Variants in LGALS8 observed in about 807,000 individuals in gnomAD.
LGALS8 encodes galectin-8.
A neutral mutation model predicts 35.9 loss-of-function variants in LGALS8; 30 were observed. That is an observed-to-expected ratio of 0.83 (90% CI 0.62 to 1.13). The LOEUF (loss-of-function observed/expected upper bound fraction) is 1.13, where lower values mean the gene tolerates loss of function less well. Among genes scored for constraint, LGALS8 ranks in the 50% most tolerant of loss-of-function variants. The probability of loss-of-function intolerance (pLI) is 0.00; values close to 1 mark genes in which losing one functional copy is unlikely to be tolerated. For synonymous variants in LGALS8, 138 were observed against 136.1 expected, an observed-to-expected ratio of 1.01 and a Z score of -0.10; for missense variants, 366 against 388.7, an observed-to-expected ratio of 0.94 and a Z score of 0.49.
Position 236,551,030 on chromosome 1 carries a change from C to G in LGALS8, c.*2869C>G. The G allele has an allele frequency of 6.8e-7, 1 of 1,473,878 alleles. No homozygotes were observed. The highest frequency in any genetic ancestry group is 1.2e-5 in the South Asian group (1 of 80,890). 91.3% of individuals were successfully genotyped at this position (1,473,878 alleles called of 1,614,324 possible). A position where few individuals can be genotyped will look rare whatever the true frequency, so the allele number is the denominator to read the frequency against. The stretch of plus-strand genomic sequence containing the variant: ...AAAAAATCAAAATTAAAATCTGAGT[C>G]AGTCCGCCTGCCTCGGTTCTCATTA... On this transcript the variant is annotated 3_prime_UTR_variant, in exon 10 of 10. Coordinates refer to ENST00000366584, the MANE Select transcript of LGALS8 (RefSeq NM_201544.4).
At chr1:236,533,538 T>C (rs1478050498) in intron 2 of LGALS8, among the ~76,000 whole-genome samples, 1 of 152,102 alleles carries the variant, frequency 6.6e-6, no homozygotes, top group Non-Finnish European at 1.5e-5. Flanking sequence ...TTCTCCACGT[T>C]GGTCAGGCTG....
In LGALS8 at chr1:236,551,984, T is replaced by C. The variant is rs758881372; in HGVS notation, c.*3823T>C. 1.4e-6 allele frequency: 2 copies of C among 1,466,666 alleles called. No homozygotes were observed. The highest frequency in any genetic ancestry group is 2.3e-5 in the East Asian group (1 of 44,132). 90.9% of individuals were successfully genotyped at this position (1,466,666 alleles called of 1,614,324 possible). A position where few individuals can be genotyped will look rare whatever the true frequency, so the allele number is the denominator to read the frequency against. ...TCCTTAATTGTTTAATGGTTGGGAA[T>C]AGTTTGGGAATTACCTTCCATCAAC... On this transcript the variant is annotated 3_prime_UTR_variant, in exon 10 of 10. Transcript: ENST00000366584.
chr1:236,544,093 C>T (rs1380466224), intron 8 of LGALS8, among the ~76,000 whole-genome samples: 3 of 151,990 alleles, frequency 2.0e-5, no homozygotes, highest in Non-Finnish European at 4.4e-5. Flanking sequence ...ATTACAGGCG[C>T]ACCACCACGC....
chr1:236,528,580 C>T, intron 2 of LGALS8, among the ~76,000 whole-genome samples: 1 of 113,432 alleles, frequency 8.8e-6, no homozygotes, highest in African/African-American at 3.2e-5. Context: ...AAGACAGAGG[C>T]TCGCTCTGTC....
At chr1:236,518,331 A>G (rs923999232) in intron 1 of LGALS8, 1 of 152,172 alleles carries the variant, frequency 6.6e-6, no homozygotes, top group Non-Finnish European at 1.5e-5. Context: ...GGTGAAAAAA[A>G]AGAGTTTGGT....
chr1:236,550,787 TA>T lies in LGALS8; in HGVS notation c.*2628del. 1.4e-6 allele frequency: 1 copy of T among 734,492 alleles called. No individual in the cohort carries two copies. Among genetic ancestry groups the T allele is most frequent in the Non-Finnish European group, 2.2e-6 (1 of 446,386 alleles). 45.5% of individuals were successfully genotyped at this position (734,492 alleles called of 1,614,324 possible). ...AAAGAAGTGATAAAACATTTGTAAG[TA>T]ATCCAAGTAGGTGTATTAAGGCACC... is the stretch of plus-strand genomic sequence containing the variant. On this transcript the variant is annotated 3_prime_UTR_variant, in exon 10 of 10. Coordinates refer to ENST00000366584, the MANE Select transcript of LGALS8 (RefSeq NM_201544.4).
intron 6 of LGALS8, 145 bp from the exon 7 acceptor site, chr1:236,542,616 C>T: frequency 1.3e-6 from 1 of 784,904 alleles, no homozygotes; most frequent in Non-Finnish European, 2.2e-6. Context: ...CGTCATAAAG[C>T]ACCAGCTGCC....
Position 236,544,832 on chromosome 1 carries a change from A to G in LGALS8, c.721A>G (p.Arg241Gly). The G allele has an allele frequency of 1.2e-6, 2 of 1,613,990 alleles. No individual in the cohort carries two copies. The highest frequency in any genetic ancestry group is 1.7e-6 in the Non-Finnish European group (2 of 1,179,828). Residue 241 changes from arginine (R) to glycine (G), a missense_variant, in exon 9 of 10, where the codon AGA (arginine) becomes GGA (glycine). Coordinates refer to ENST00000366584, the MANE Select transcript of LGALS8 (RefSeq NM_201544.4). ...ACGCCTGAATATTAAAGCATTTGTA[A>G]GAAATTCTTTTCTTCAGGAGTCCTG... ...NPRLNIKAFV[R>G]NSFLQESWGE...
At chr1:236,538,825 T>G in intron 3 of LGALS8, 54 bp from the exon 4 acceptor site, 1 of 1,303,094 alleles carries the variant, frequency 7.7e-7, no homozygotes, top group South Asian at 1.2e-5. Flanking sequence ...GGTCCTTTAC[T>G]GGTGGCTTTC....
At chr1:236,537,719 A>G in intron 3 of LGALS8, 134 bp downstream of exon 3, 1 of 693,156 alleles carries the variant, frequency 1.4e-6, no homozygotes, top group Non-Finnish European at 2.6e-6. Context: ...GCCCTGGCCA[A>G]GGTGCTGAGG....
intron 3 of LGALS8, 106 bp from the exon 4 acceptor site, chr1:236,538,773 T>C: frequency 1.3e-6 from 1 of 759,308 alleles, no homozygotes; most frequent in Admixed American, 2.0e-5. Context: ...GAGGAGGGAT[T>C]GGTCAGTCCC....
intron 1 of LGALS8, chr1:236,524,382 C>T (rs1219392885): frequency 2.2e-6 from 1 of 456,624 alleles, no homozygotes; most frequent in African/African-American, 2.0e-5. Flanking sequence ...ACCCACCCCA[C>T]CTGGGCTGCT....
At chr1:236,532,047 T>C (rs184608978) in intron 2 of LGALS8, among the ~76,000 whole-genome samples, 1 of 152,314 alleles carries the variant, frequency 6.6e-6, no homozygotes, top group East Asian at 1.9e-4. Flanking sequence ...AGAGCCTCAG[T>C]GCCTAGGGTT....
At chr1:236,529,410 C>T (rs1395307382) in intron 2 of LGALS8, among the ~76,000 whole-genome samples, 5 of 151,748 alleles carry the variant, frequency 3.3e-5, no homozygotes, top group Non-Finnish European at 2.9e-5. Flanking sequence ...AGTGAAACCC[C>T]GTCTCTACTA....
Position 236,538,101 on chromosome 1 carries a change from A to AAAAG in LGALS8, c.134+520_134+523dup, listed in dbSNP as rs1553277099. Among the ~76,000 whole-genome samples the AAAAG allele has an allele frequency of 5.9e-4, 57 of 96,050 alleles. 3 individuals are homozygous for AAAAG. The highest frequency in any genetic ancestry group is 2.4e-3 in the Admixed American group (20 of 8,488). The allele number at this position is 96,050 out of a possible 152,430, so 63.0% of individuals were successfully genotyped here. A position where few individuals can be genotyped will look rare whatever the true frequency, so the allele number is the denominator to read the frequency against. Reference sequence around the variant, plus strand: ...GCCTGGGTGACAAAAAAAAAAAAGAAAAAGAAAAAGAATTAGGTATGTCAT... The same window carrying AAAAG: ...GCCTGGGTGACAAAAAAAAAAAAGAAAAAGAAAGAAAAAGAATTAGGTATGTCAT... On this transcript the variant is annotated intron_variant, in intron 3 of 9. Coordinates refer to ENST00000366584, the MANE Select transcript of LGALS8 (RefSeq NM_201544.4).
chr1:236,544,796 C>T lies in LGALS8; in HGVS notation c.685C>T (p.His229Tyr), dbSNP rs1345389105. The T allele has an allele frequency of 6.2e-7, 1 of 1,613,710 alleles. No homozygotes were observed. The highest frequency in any genetic ancestry group is 8.5e-7 in the Non-Finnish European group (1 of 1,179,746). ...AGGAAAATCAAAGGATATTGCTCTA[C>T]ACTTGAACCCACGCCTGAATATTAA... Reference protein sequence around the residue: ...LAGKSKDIALHLNPRLNIKAF... With the variant: ...LAGKSKDIALYLNPRLNIKAF... Residue 229 changes from histidine to tyrosine, a missense_variant, in exon 9 of 10, where the codon CAC (histidine) becomes TAC (tyrosine). Physicochemically the swap from His to Tyr is moderately conservative, Grantham distance 83. Transcript: ENST00000366584.
intron 7 of LGALS8, 148 bp from the exon 8 acceptor site, chr1:236,543,412 C>A (rs1273528400): frequency 9.6e-6 from 7 of 726,712 alleles, no homozygotes; most frequent in Non-Finnish European, 1.5e-5. Context: ...TGCAGGGGAC[C>A]CAGCTGGGAC....
chr1:236,542,765 C>T lies in LGALS8; in HGVS notation c.527C>T (p.Pro176Leu), dbSNP rs1371290781. 1 of 1,614,146 alleles carries T rather than the reference C, an allele frequency of 6.2e-7. No individual in the cohort carries two copies. Among genetic ancestry groups the T allele is most frequent in the South Asian group, 1.1e-5 (1 of 91,082 alleles). The change falls in exon 7 of 10, where the codon CCA becomes CTA. Residue 176 changes from proline (P) to leucine (L), a missense_variant. Coordinates refer to ENST00000366584, the MANE Select transcript of LGALS8 (RefSeq NM_201544.4). ...GTTTTGTTTCTTTTCCAATAGGTTC[C>T]AAAGTCTGGCACGCCCCAGCTTGTG... The part of the protein sequence containing the change: ...ELTEISRENV[P>L]KSGTPQLRLP...
upstream of LGALS8, among the ~76,000 whole-genome samples, chr1:236,518,741 T>C (rs552960612): frequency 8.5e-5 from 13 of 152,322 alleles, no homozygotes; most frequent in East Asian, 2.5e-3. Flanking sequence ...TCTTTAAAGT[T>C]CTTGATACTC....
Sources: allele counts gnomAD v4.1 joint callset (sites outside exome capture counted in the v4.1 genomes callset), GRCh38; gene constraint gnomAD v4.1.1; transcripts MANE v1.5; gene names NCBI Gene and HGNC (gene_info 2026-07-23, HGNC 2026-07-21).